The following TIPIN variants were observed in gnomAD, a reference collection of about 807,000 sequenced individuals.
The protein encoded by TIPIN is TIMELESS interacting protein.
In TIPIN, 29 loss-of-function variants were observed where a neutral mutation model predicts 35.6. The observed-to-expected ratio is 0.82, with a 90% CI of 0.61 to 1.11. TIPIN has a LOEUF of 1.11. TIPIN is among the 50% of genes most tolerant of loss of function. TIPIN has a pLI of 0.00. For missense variants in TIPIN, 296 were observed against 345.4 expected, an observed-to-expected ratio of 0.86 and a Z score of 1.13; for synonymous variants, 102 against 121.5, an observed-to-expected ratio of 0.84 and a Z score of 1.06.
rs968930174 is a variant in TIPIN at position 66,382,986 on chromosome 15, A to G, written c.-9+3621T>C. The G allele has an allele frequency of 1.6e-5, 16 of 985,386 alleles. No homozygotes were observed. The African/African-American group carries it at 2.6e-4, about 16-fold the overall frequency. The allele number at this position is 985,386 out of a possible 1,614,324, so 61.0% of individuals were successfully genotyped here. On this transcript the variant is annotated intron_variant, in intron 1 of 7. Transcript: ENST00000562124. ...AAAACAAATTCTCCTACCTTGAACT[A>G]TTCTGCAAACTTTAACCATTGGGGT...
At chr15:66,339,146 A>G (rs1428298694) in intron 7 of TIPIN, among the ~76,000 whole-genome samples, 1 of 55,580 alleles carries the variant, frequency 1.8e-5, no homozygotes, top group Non-Finnish European at 3.2e-5. Flanking sequence ...AAAAAAAAAA[A>G]AAAAAAAAAA....
exon 1 of TIPIN, chr15:66,386,710 G>A (rs561558500): frequency 7.7e-4 from 143 of 185,808 alleles, no homozygotes; most frequent in Middle Eastern, 3.9e-3. Context: ...GGCGACAGAG[G>A]GCGCCACGGC....
At chr15:66,364,042 C>T (rs1347842892) in intron 1 of TIPIN, among the ~76,000 whole-genome samples, 2 of 151,822 alleles carry the variant, frequency 1.3e-5, no homozygotes, top group Non-Finnish European at 2.9e-5. Context: ...ACCCCCATGA[C>T]CCAAACACTT....
intron 1 of TIPIN, among the ~76,000 whole-genome samples, chr15:66,369,802 T>C (rs1394796796): frequency 6.6e-6 from 1 of 152,204 alleles, no homozygotes; most frequent in Non-Finnish European, 1.5e-5. Flanking sequence ...AACTTTATAA[T>C]GGCTCTGCTG....
At chr15:66,342,186 C>CAAAAAAAAA (rs55711983) in intron 6 of TIPIN, among the ~76,000 whole-genome samples, 95 of 108,428 alleles carry the variant, frequency 8.8e-4, no homozygotes, top group East Asian at 2.7e-3. Flanking sequence ...AAGACTGTCT[C>CAAAAAAAAA]AAAAAAAAAA....
At position 66,355,252 on chromosome 15, in the gene TIPIN, C is replaced by A. The variant is rs537665474; in HGVS notation, c.-9+1387G>T. ...GTTTCACCGTGTTAGCCAGGATGGTCTCGATCTCCTGACCTCGTGATCCGC... is the reference window on the plus strand; with the variant it reads ...GTTTCACCGTGTTAGCCAGGATGGTATCGATCTCCTGACCTCGTGATCCGC... On this transcript the variant is annotated intron_variant, in intron 1 of 7. Transcript: ENST00000261881. Among the ~76,000 whole-genome samples the A allele has an allele frequency of 2.4e-3, 366 of 150,854 alleles. 1 individual carries two copies. The highest frequency in any genetic ancestry group is 4.3e-3 in the Non-Finnish European group (291 of 67,622).
At chr15:66,372,813 G>T (rs1425143096) in intron 1 of TIPIN, among the ~76,000 whole-genome samples, 2 of 152,102 alleles carry the variant, frequency 1.3e-5, no homozygotes, top group Non-Finnish European at 2.9e-5. Context: ...TGAGGCAGGA[G>T]AATTGCTTGA....
rs767404423 is a variant in TIPIN at position 66,337,150 on chromosome 15, C to G, written c.714G>C (p.Thr238=). ...DMLMNTPRAH[T]VEEVNTDEDQ... ...CCTCATCAGTATTAACCTCTTCAAC[C>G]GTGTGTGCCCTGGGTGTATTCATTA... The change falls in exon 8 of 8, where the codon ACG becomes ACC. Residue 238 remains threonine, a synonymous_variant. Coordinates refer to ENST00000261881, the MANE Select transcript of TIPIN (RefSeq NM_017858.3). The G allele has an allele frequency of 2.5e-6, 4 of 1,613,734 alleles. No homozygotes were observed. In the Admixed American group the frequency reaches 5.0e-5, roughly 20 times the overall value.
At chr15:66,344,464 C>T (rs561810225) in intron 6 of TIPIN, among the ~76,000 whole-genome samples, 1 of 151,710 alleles carries the variant, frequency 6.6e-6, no homozygotes, top group South Asian at 2.1e-4. Flanking sequence ...TTTTTATGAA[C>T]CAAGAAAACA....
intron 1 of TIPIN, chr15:66,371,478 C>A (rs1489211786): frequency 2.8e-6 from 2 of 712,272 alleles, no homozygotes; most frequent in Non-Finnish European, 3.4e-6. Flanking sequence ...AAAAGTTTTT[C>A]CATGAGTTTA....
chr15:66,362,315 A>C (rs2093235155), intron 1 of TIPIN, among the ~76,000 whole-genome samples: 1 of 151,020 alleles, frequency 6.6e-6, no homozygotes, highest in East Asian at 1.9e-4. Flanking sequence ...AAAAAAAAAA[A>C]AGAAGAAGAA....
At chr15:66,384,918 AAAAAC>A (rs1384562463) in intron 1 of TIPIN, among the ~76,000 whole-genome samples, 4 of 152,148 alleles carry the variant, frequency 2.6e-5, no homozygotes, top group Admixed American at 1.3e-4. Flanking sequence ...ACTCAAAAAC[AAAAAC>A]AAAACAAAAC....
Position 66,342,497 on chromosome 15 carries a change from G to A in TIPIN, c.476-1141C>T, listed in dbSNP as rs62627321. ...TCCTCCATCAGCCTCCCGAGAAGCTGGGATTACAGGCACCCGCCACCATGC... is the reference window on the plus strand; with the variant it reads ...TCCTCCATCAGCCTCCCGAGAAGCTAGGATTACAGGCACCCGCCACCATGC... On this transcript the variant is annotated intron_variant, in intron 6 of 7. Transcript: ENST00000261881. Among the ~76,000 whole-genome samples, 30 of 152,092 alleles carry A rather than the reference G, an allele frequency of 2.0e-4. No individual in the cohort carries two copies. The East Asian group carries it at 5.4e-3, about 28-fold the overall frequency.
intron 1 of TIPIN, among the ~76,000 whole-genome samples, chr15:66,386,122 G>T (rs1382188190): frequency 6.6e-6 from 1 of 151,920 alleles, no homozygotes; most frequent in African/African-American, 2.4e-5. Flanking sequence ...GTGAAAACCC[G>T]TTTCTACAAA....
At chr15:66,342,757 T>C (rs371619789) in intron 6 of TIPIN, among the ~76,000 whole-genome samples, 1 of 152,208 alleles carries the variant, frequency 6.6e-6, no homozygotes, top group Non-Finnish European at 1.5e-5. Flanking sequence ...TATGGACATA[T>C]TTCCAAATTA....
chr15:66,371,680 A>C (rs1335744081), intron 1 of TIPIN, among the ~76,000 whole-genome samples: 5 of 150,710 alleles, frequency 3.3e-5, no homozygotes, highest in African/African-American at 9.8e-5. Context: ...TGCCTGGCTA[A>C]TTTTTTTTTG....
chr15:66,366,222 G>A (rs903935777), intron 1 of TIPIN, among the ~76,000 whole-genome samples: 1 of 151,510 alleles, frequency 6.6e-6, no homozygotes, highest in Non-Finnish European at 1.5e-5. Flanking sequence ...TTGGGAGGCC[G>A]AGGCGGGCAG....
chr15:66,379,512 G>A, intron 1 of TIPIN: 1 of 1,609,918 alleles, frequency 6.2e-7, no homozygotes. Flanking sequence ...TTGAGATACT[G>A]AACAAGCAAC....
chr15:66,355,946 TC>T lies in TIPIN; in HGVS notation c.-9+692del, dbSNP rs200285117. ...GCTTGTCAGGAAACTGGTATTTCTT[TC>T]TTCTATTTGTAGTGAATAAGATGCT... On this transcript the variant is annotated intron_variant, in intron 1 of 7. Coordinates refer to ENST00000261881, the MANE Select transcript of TIPIN (RefSeq NM_017858.3). Among the ~76,000 whole-genome samples the T allele has an allele frequency of 8.7e-3, 1,319 of 152,242 alleles. 16 individuals are homozygous for T. The highest frequency in any genetic ancestry group is 0.03 in the African/African-American group (1,238 of 41,524).
Sources: gnomAD v4.1 joint callset for allele counts (sites outside exome capture counted in the v4.1 genomes callset) on GRCh38, gnomAD v4.1.1 for gene constraint, MANE v1.5 for transcripts, NCBI Gene and HGNC (gene_info 2026-07-23, HGNC 2026-07-21) for gene names.